Variants in SCD5 observed in about 807,000 individuals in gnomAD.
SCD5 encodes the protein acyl-CoA-desaturase 4.
SCD5 carries 20 observed loss-of-function variants against 30.4 expected under a neutral mutation model. That is an observed-to-expected ratio of 0.66 (90% CI 0.46 to 0.96). SCD5 has a LOEUF of 0.96. Ranked by LOEUF, SCD5 falls within the 40% of genes least tolerant of loss-of-function variation. SCD5 has a pLI of 0.00. For synonymous variants in SCD5, 173 were observed against 176.4 expected (o/e 0.98, Z 0.16); for missense variants, 381 against 443.3 (o/e 0.86, Z 1.26).
intron 4 of SCD5, among the ~76,000 whole-genome samples, chr4:82,632,343 T>A (rs970085929): frequency 6.6e-6 from 1 of 152,136 alleles, no homozygotes; most frequent in African/African-American, 2.4e-5. Flanking sequence ...GCTTCATCCA[T>A]GTTGCCACAA....
chr4:82,643,997 G>T (rs6813901), intron 3 of SCD5, among the ~76,000 whole-genome samples: 1 of 152,070 alleles, frequency 6.6e-6, no homozygotes. Context: ...TGAGATGCAA[G>T]GATGTCCTAT....
chr4:82,690,544 T>G lies in SCD5; in HGVS notation c.364-9632A>C, dbSNP rs553067816. ...TCAGGCTTTTATCAATTTACTTGGA[T>G]GCTGTAATAACCTTCTAACTGCCTC... On this transcript the variant is annotated intron_variant, in intron 2 of 4. Coordinates refer to ENST00000319540, the MANE Select transcript of SCD5 (RefSeq NM_001037582.3). 2.6e-5 allele frequency among the ~76,000 whole-genome samples: 4 copies of G among 152,364 alleles called. No individual in the cohort carries two copies. The East Asian group carries it at 7.7e-4, about 29-fold the overall frequency.
At chr4:82,667,427 T>A (rs1205627006) in intron 3 of SCD5, among the ~76,000 whole-genome samples, 2 of 152,204 alleles carry the variant, frequency 1.3e-5, no homozygotes, top group South Asian at 4.1e-4. Flanking sequence ...CACACTGATT[T>A]TTCCCCCACC....
chr4:82,771,772 T>C (rs1262500763), intron 1 of SCD5, among the ~76,000 whole-genome samples: 1 of 152,208 alleles, frequency 6.6e-6, no homozygotes, highest in Non-Finnish European at 1.5e-5. Context: ...TCATTCCTTT[T>C]TTCTGAAATC....
chr4:82,666,311 G>T (rs980240837), intron 3 of SCD5, among the ~76,000 whole-genome samples: 1 of 152,084 alleles, frequency 6.6e-6, no homozygotes, highest in African/African-American at 2.4e-5. Context: ...ACTGGGTGAC[G>T]CCCTGGAGCT....
At chr4:82,643,555 G>A (rs1041975135) in intron 3 of SCD5, among the ~76,000 whole-genome samples, 1 of 152,206 alleles carries the variant, frequency 6.6e-6, no homozygotes, top group Non-Finnish European at 1.5e-5. Context: ...GAAATTACCA[G>A]GAGCTGGGGG....
intron 3 of SCD5, among the ~76,000 whole-genome samples, chr4:82,664,245 G>A (rs59374688): frequency 0.044 from 6,623 of 152,236 alleles, 515 homozygotes; most frequent in African/African-American, 0.15. Context: ...GATAATAATA[G>A]CAGCAGTAAA....
intron 1 of SCD5, among the ~76,000 whole-genome samples, chr4:82,729,786 CCT>C (rs1362725693): frequency 1.3e-5 from 2 of 152,154 alleles, no homozygotes; most frequent in African/African-American, 4.8e-5. Context: ...TCTCTCCTCC[CCT>C]CTCTACCAGG....
chr4:82,667,983 A>C (rs543300354), intron 3 of SCD5, among the ~76,000 whole-genome samples: 1 of 152,324 alleles, frequency 6.6e-6, no homozygotes, highest in East Asian at 1.9e-4. Flanking sequence ...GAAAAGAATA[A>C]ATCAAAGCAG....
At chr4:82,737,336 T>A (rs932674326) in intron 1 of SCD5, among the ~76,000 whole-genome samples, 4 of 152,230 alleles carry the variant, frequency 2.6e-5, no homozygotes, top group African/African-American at 9.7e-5. Context: ...TGACTGTTAA[T>A]GCAGTAGAAA....
intron 3 of SCD5, among the ~76,000 whole-genome samples, chr4:82,650,406 T>C (rs1333435173): frequency 6.6e-6 from 1 of 152,158 alleles, no homozygotes; most frequent in African/African-American, 2.4e-5. Flanking sequence ...TAAAAAAATA[T>C]TTTTGAGGTC....
intron 1 of SCD5, among the ~76,000 whole-genome samples, chr4:82,787,570 A>C (rs1201600168): frequency 6.6e-6 from 1 of 152,106 alleles, no homozygotes; most frequent in Non-Finnish European, 1.5e-5. Flanking sequence ...GCCTCATGTG[A>C]CTCAGTGGCT....
At chr4:82,714,309 C>A (rs974774330) in intron 1 of SCD5, among the ~76,000 whole-genome samples, 1 of 152,156 alleles carries the variant, frequency 6.6e-6, no homozygotes, top group African/African-American at 2.4e-5. Flanking sequence ...CTCTTAAACC[C>A]ACTCAATCAG....
At chr4:82,745,539 G>A (rs906255708) in intron 1 of SCD5, among the ~76,000 whole-genome samples, 2 of 152,216 alleles carry the variant, frequency 1.3e-5, no homozygotes, top group African/African-American at 4.8e-5. Context: ...AGGGGTACAT[G>A]TGCAGGATGT....
At chr4:82,686,836 A>G (rs376352023) in intron 2 of SCD5, among the ~76,000 whole-genome samples, 4 of 152,154 alleles carry the variant, frequency 2.6e-5, no homozygotes, top group African/African-American at 9.7e-5. Flanking sequence ...AGGCTATTGT[A>G]GTATTGACCT....
At chr4:82,766,607 G>GT (rs1721491921) in intron 1 of SCD5, among the ~76,000 whole-genome samples, 1 of 152,084 alleles carries the variant, frequency 6.6e-6, no homozygotes, top group Non-Finnish European at 1.5e-5. Context: ...TTCAACATGG[G>GT]TTGCATCTTC....
At chr4:82,645,975 G>A (rs1727627001) in intron 3 of SCD5, among the ~76,000 whole-genome samples, 1 of 152,146 alleles carries the variant, frequency 6.6e-6, no homozygotes, top group South Asian at 2.1e-4. Context: ...AAACACAGCA[G>A]TCCAGAGCTG....
At chr4:82,794,502 T>C (rs1461452353) in intron 1 of SCD5, among the ~76,000 whole-genome samples, 1 of 152,202 alleles carries the variant, frequency 6.6e-6, no homozygotes. Context: ...ACACAGTAAC[T>C]GCAAGGCCTC....
intron 2 of SCD5, chr4:82,698,138 C>T (rs1056160286): frequency 6.6e-6 from 3 of 456,452 alleles, no homozygotes; most frequent in East Asian, 6.9e-5. Context: ...AGGAAGAAGG[C>T]AAACCTGTTT....
Sources: allele counts gnomAD v4.1 joint callset (sites outside exome capture counted in the v4.1 genomes callset), GRCh38; gene constraint gnomAD v4.1.1; transcripts MANE v1.5; gene names NCBI Gene and HGNC (gene_info 2026-07-23, HGNC 2026-07-21).